Variants in PPM1L observed in about 807,000 individuals in gnomAD.
The protein encoded by PPM1L is protein phosphatase, Mg2+/Mn2+ dependent 1L.
A neutral mutation model predicts 31.4 loss-of-function variants in PPM1L; 13 were observed. That is an observed-to-expected ratio of 0.41 (90% CI 0.27 to 0.66). PPM1L has a LOEUF of 0.66. Ranked by LOEUF, PPM1L falls within the 30% of genes least tolerant of loss-of-function variation. The pLI is 0.29. For missense variants in PPM1L, 326 were observed against 453.7 expected (o/e 0.72, Z 2.56); for synonymous variants, 184 against 175.4 (o/e 1.05, Z -0.39).
At chr3:160,826,340 G>T (rs1713356186) in intron 1 of PPM1L, among the ~76,000 whole-genome samples, 1 of 152,008 alleles carries the variant, frequency 6.6e-6, no homozygotes, top group East Asian at 1.9e-4. Flanking sequence ...TGTGGTTTGG[G>T]GTCTTTGTTA....
At position 160,846,572 on chromosome 3, in the gene PPM1L, A is replaced by T. The variant is rs1239073876; in HGVS notation, c.399+89865A>T. On this transcript the variant is annotated intron_variant, in intron 1 of 3. Coordinates refer to ENST00000498165, the MANE Select transcript of PPM1L (RefSeq NM_139245.4). ...ATTGAAATAAGTCTTTTAAAGTACA[A>T]CAGTGTCCTGTTATCTAGATTAGAT... 2.0e-5 allele frequency among the ~76,000 whole-genome samples: 3 copies of T among 152,124 alleles called. No individual in the cohort carries two copies. The East Asian group carries it at 5.8e-4, about 29-fold the overall frequency.
chr3:160,995,945 A>T (rs1559917625), intron 2 of PPM1L, among the ~76,000 whole-genome samples: 1 of 152,202 alleles, frequency 6.6e-6, no homozygotes, highest in Non-Finnish European at 1.5e-5. Context: ...TGAAATATTC[A>T]ACTTGGACTG....
chr3:161,068,948 C>T lies in PPM1L; in HGVS notation c.874C>T (p.Leu292Phe). Reference protein sequence around the residue: ...PDILTFDLDKLQPEFMILASD... With the variant: ...PDILTFDLDKFQPEFMILASD... Reference sequence around the variant, plus strand: ...CATCCTGACCTTTGACCTGGACAAGCTTCAGCCTGAGTTCATGATCTTGGC... The same window carrying T: ...CATCCTGACCTTTGACCTGGACAAGTTTCAGCCTGAGTTCATGATCTTGGC... The change falls in exon 4 of 4, where the codon CTT becomes TTT. Residue 292 changes from leucine (L) to phenylalanine (F), a missense_variant. By Grantham distance (22) the Leu-to-Phe change is conservative. This residue lies in a region of PPM1L where 201 missense variants were observed against 298.2 expected (regional missense o/e 0.67). Transcript: ENST00000498165. The T allele has an allele frequency of 6.2e-7, 1 of 1,614,194 alleles. No individual in the cohort carries two copies. Among genetic ancestry groups the T allele is most frequent in the Non-Finnish European group, 8.5e-7 (1 of 1,180,034 alleles).
At chr3:160,784,003 A>G (rs1390963255) in intron 1 of PPM1L, among the ~76,000 whole-genome samples, 1 of 152,206 alleles carries the variant, frequency 6.6e-6, no homozygotes, top group Non-Finnish European at 1.5e-5. Context: ...AATATAATTT[A>G]TGTGAATTGT....
chr3:160,869,081 T>C (rs1196460470), intron 1 of PPM1L, among the ~76,000 whole-genome samples: 1 of 152,184 alleles, frequency 6.6e-6, no homozygotes, highest in Non-Finnish European at 1.5e-5. Flanking sequence ...TGAGAATTTG[T>C]TTAATTACTC....
chr3:160,966,736 A>G (rs969770583), intron 2 of PPM1L, among the ~76,000 whole-genome samples: 1 of 152,092 alleles, frequency 6.6e-6, no homozygotes, highest in African/African-American at 2.4e-5. Flanking sequence ...AGCATCACTG[A>G]AAACAGTAAG....
intron 2 of PPM1L, among the ~76,000 whole-genome samples, chr3:160,978,691 A>G (rs1282157209): frequency 6.6e-6 from 1 of 152,030 alleles, no homozygotes; most frequent in Non-Finnish European, 1.5e-5. Context: ...TTAGCCAGGC[A>G]TGGTGGTGCA....
At chr3:160,804,244 T>C (rs1294249136) in intron 1 of PPM1L, among the ~76,000 whole-genome samples, 3 of 152,186 alleles carry the variant, frequency 2.0e-5, no homozygotes, top group Admixed American at 2.0e-4. Context: ...GATTGTTAAC[T>C]ATAATTTAAC....
At chr3:160,902,222 T>A (rs1425620508) in intron 1 of PPM1L, among the ~76,000 whole-genome samples, 1 of 152,130 alleles carries the variant, frequency 6.6e-6, no homozygotes, top group Non-Finnish European at 1.5e-5. Flanking sequence ...ACATATGAAT[T>A]TTCAGAGCCT....
At position 160,976,798 on chromosome 3, in the gene PPM1L, G is replaced by A. The variant is rs561550604; in HGVS notation, c.574+14888G>A. 3.5e-4 allele frequency among the ~76,000 whole-genome samples: 53 copies of A among 152,028 alleles called. No individual in the cohort carries two copies. The South Asian group carries it at 8.1e-3, about 23-fold the overall frequency. ...TTATTAGTCTGCTAGCGGTCTATCA[G>A]TTTTGTTGATCCTTTCAAAAAACCA... On this transcript the variant is annotated intron_variant, in intron 2 of 3. Coordinates refer to ENST00000498165, the MANE Select transcript of PPM1L (RefSeq NM_139245.4).
intron 2 of PPM1L, among the ~76,000 whole-genome samples, chr3:161,007,178 A>G (rs1717742117): frequency 6.6e-6 from 1 of 152,216 alleles, no homozygotes; most frequent in Non-Finnish European, 1.5e-5. Flanking sequence ...GGCACATTAA[A>G]CAACAAGTAA....
In PPM1L at chr3:160,926,766, C is replaced by T. The variant is rs114168657; in HGVS notation, c.400-34970C>T. ...TGGGTACAAAGTCAAGATACTAAGCCACAGGACTGCATTCTGACCCAGAAT... is the reference window on the plus strand; with the variant it reads ...TGGGTACAAAGTCAAGATACTAAGCTACAGGACTGCATTCTGACCCAGAAT... On this transcript the variant is annotated intron_variant, in intron 1 of 3. Coordinates refer to ENST00000498165, the MANE Select transcript of PPM1L (RefSeq NM_139245.4). Among the ~76,000 whole-genome samples, 605 of 152,274 alleles carry T rather than the reference C, an allele frequency of 4.0e-3. 6 individuals are homozygous for T. Among genetic ancestry groups the T allele is most frequent in the African/African-American group, 0.014 (578 of 41,544 alleles).
chr3:160,935,226 A>G (rs1714930231), intron 1 of PPM1L, among the ~76,000 whole-genome samples: 1 of 152,178 alleles, frequency 6.6e-6, no homozygotes, highest in South Asian at 2.1e-4. Context: ...TTGATTATAA[A>G]TAATAACTCC....
chr3:160,992,211 A>C (rs1717156359), intron 2 of PPM1L, among the ~76,000 whole-genome samples: 1 of 152,188 alleles, frequency 6.6e-6, no homozygotes, highest in African/African-American at 2.4e-5. Flanking sequence ...ATAATCCATG[A>C]AGAGGATTAA....
chr3:160,884,875 T>C (rs1712854738), intron 1 of PPM1L, among the ~76,000 whole-genome samples: 1 of 152,208 alleles, frequency 6.6e-6, no homozygotes, highest in South Asian at 2.1e-4. Flanking sequence ...GTTAGTCCCA[T>C]GGAGGGAGAT....
chr3:160,838,041 T>C (rs780006361), intron 1 of PPM1L, among the ~76,000 whole-genome samples: 54 of 152,144 alleles, frequency 3.5e-4, no homozygotes, highest in Non-Finnish European at 5.0e-4. Flanking sequence ...GAGAACTAGA[T>C]AGTAAGTTGC....
intron 1 of PPM1L, among the ~76,000 whole-genome samples, chr3:160,772,571 T>C (rs889784365): frequency 6.6e-6 from 1 of 152,238 alleles, no homozygotes; most frequent in African/African-American, 2.4e-5. Context: ...GTATGATGCA[T>C]ACAATAAACT....
At chr3:160,936,768 G>A (rs138152071) in intron 1 of PPM1L, among the ~76,000 whole-genome samples, 60 of 152,124 alleles carry the variant, frequency 3.9e-4, no homozygotes, top group African/African-American at 6.7e-4. Flanking sequence ...TCCATTTGTC[G>A]TCATTATAAT....
chr3:160,990,353 T>A (rs924018579), intron 2 of PPM1L, among the ~76,000 whole-genome samples: 7 of 152,122 alleles, frequency 4.6e-5, no homozygotes, highest in African/African-American at 7.2e-5. Context: ...AATTCATAGA[T>A]AATATAATCT....
Sources: allele counts gnomAD v4.1 joint callset (sites outside exome capture counted in the v4.1 genomes callset), GRCh38; gene constraint gnomAD v4.1.1; regional missense constraint gnomAD v4.1.1; transcripts MANE v1.5; gene names NCBI Gene and HGNC (gene_info 2026-07-23, HGNC 2026-07-21).